KIAA1217: variants seen among roughly 807,000 people sequenced by gnomAD.
KIAA1217 encodes the protein KIAA1217, also known as sickle tail protein homolog.
A neutral mutation model predicts 163.9 loss-of-function variants in KIAA1217; 88 were observed. The ratio of observed to expected loss-of-function variants is 0.54; its 90% CI spans 0.45 to 0.64. The LOEUF (loss-of-function observed/expected upper bound fraction) is 0.64. KIAA1217 is among the 30% of genes least tolerant of loss of function. The pLI is 0.00. For missense variants in KIAA1217, 2,372 were observed against 2,475.0 expected (o/e 0.96, Z 0.88); for synonymous variants, 903 against 923.1 (o/e 0.98, Z 0.39).
intron 3 of KIAA1217, among the ~76,000 whole-genome samples, chr10:24,417,665 C>T (rs561533169): frequency 3.3e-5 from 5 of 152,004 alleles, no homozygotes; most frequent in African/African-American, 7.2e-5. Context: ...GTGAAGTCTA[C>T]GAATGAGAGT....
chr10:23,918,733 TAC>T (rs1554823731), intron 1 of KIAA1217, among the ~76,000 whole-genome samples: 6,592 of 147,344 alleles, frequency 0.045, 190 homozygotes, highest in Admixed American at 0.088. Context: ...ATTAAATATA[TAC>T]ACACACACAC....
At chr10:24,231,387 G>GA (rs373497425) in intron 2 of KIAA1217, among the ~76,000 whole-genome samples, 2 of 152,188 alleles carry the variant, frequency 1.3e-5, no homozygotes, top group South Asian at 2.1e-4. Flanking sequence ...TGAAAACTGA[G>GA]AAAAAACCAT....
chr10:24,036,045 C>A (rs183347153), intron 2 of KIAA1217, among the ~76,000 whole-genome samples: 1 of 152,204 alleles, frequency 6.6e-6, no homozygotes, highest in Non-Finnish European at 1.5e-5. Context: ...TGAAGGCCAG[C>A]GGAGCACAGG....
At chr10:24,474,382 C>T (rs994426763) in intron 6 of KIAA1217, among the ~76,000 whole-genome samples, 1 of 152,170 alleles carries the variant, frequency 6.6e-6, no homozygotes, top group African/African-American at 2.4e-5. Flanking sequence ...AGAAAATTGT[C>T]ATTAGCAGAA....
chr10:23,993,393 T>C (rs1170560856), intron 1 of KIAA1217, among the ~76,000 whole-genome samples: 2 of 151,966 alleles, frequency 1.3e-5, no homozygotes, highest in African/African-American at 2.4e-5. Flanking sequence ...TTGAGGACTT[T>C]CATGGTCTTC....
intron 1 of KIAA1217, among the ~76,000 whole-genome samples, chr10:23,922,464 T>C (rs1436218019): frequency 2.6e-5 from 4 of 152,208 alleles, no homozygotes; most frequent in Non-Finnish European, 5.9e-5. Flanking sequence ...AAGTCAGACC[T>C]AAGTCTGGGT....
At chr10:24,350,623 T>C (rs940230335) in intron 2 of KIAA1217, among the ~76,000 whole-genome samples, 2 of 152,214 alleles carry the variant, frequency 1.3e-5, no homozygotes, top group Non-Finnish European at 2.9e-5. Flanking sequence ...ACTTCTTTTA[T>C]TTAATTTTTA....
rs548527626 is a variant in KIAA1217, at chr10:23,782,155, A to G, written c.-321+86921A>G. Among the ~76,000 whole-genome samples the G allele has an allele frequency of 4.0e-3, 603 of 152,298 alleles. 10 individuals are homozygous for G. The highest frequency in any genetic ancestry group is 0.013 in the African/African-American group (556 of 41,574). On this transcript the variant is annotated intron_variant, in intron 1 of 18. Coordinates refer to the KIAA1217 transcript ENST00000376462. ...ATTGTGTCTGTATATTGCTAAGGGT[A>G]GTATATACATTGTAATAATATTCTT...
chr10:24,268,066 A>T (rs1019275407), intron 2 of KIAA1217, among the ~76,000 whole-genome samples: 2 of 152,150 alleles, frequency 1.3e-5, no homozygotes, highest in Non-Finnish European at 2.9e-5. Flanking sequence ...CTGTACACTA[A>T]CAGTAAGCTA....
At chr10:24,533,811 T>G (rs879260336) in intron 16 of KIAA1217, among the ~76,000 whole-genome samples, 2 of 152,202 alleles carry the variant, frequency 1.3e-5, no homozygotes, top group African/African-American at 2.4e-5. Context: ...CAGTTTTAGA[T>G]ATTTATTTTT....
At chr10:23,906,868 C>T (rs542765709) in intron 1 of KIAA1217, among the ~76,000 whole-genome samples, 4 of 152,240 alleles carry the variant, frequency 2.6e-5, no homozygotes, top group African/African-American at 9.6e-5. Flanking sequence ...GCCACCATGA[C>T]TGGGTTCCCT....
At chr10:23,768,119 C>G (rs183109125) in intron 1 of KIAA1217, among the ~76,000 whole-genome samples, 1 of 152,316 alleles carries the variant, frequency 6.6e-6, no homozygotes, top group Admixed American at 6.5e-5. Flanking sequence ...GTAATCCCAC[C>G]CATTCTTAAA....
At chr10:24,186,883 C>A (rs2066458759) in intron 2 of KIAA1217, among the ~76,000 whole-genome samples, 1 of 152,066 alleles carries the variant, frequency 6.6e-6, no homozygotes, top group African/African-American at 2.4e-5. Flanking sequence ...GAGTGAGACT[C>A]CGTCTAAAAA....
At chr10:23,912,060 CT>C (rs1481464461) in intron 1 of KIAA1217, among the ~76,000 whole-genome samples, 2 of 152,090 alleles carry the variant, frequency 1.3e-5, no homozygotes, top group African/African-American at 4.8e-5. Flanking sequence ...TTAGTGGTTC[CT>C]GGATGCTGTT....
At chr10:23,807,394 A>G (rs1836790663) in intron 1 of KIAA1217, among the ~76,000 whole-genome samples, 1 of 152,236 alleles carries the variant, frequency 6.6e-6, no homozygotes, top group South Asian at 2.1e-4. Flanking sequence ...GTTTCTTGAA[A>G]CAAAGATGTG....
At chr10:24,437,915 A>G (rs901868126) in intron 4 of KIAA1217, among the ~76,000 whole-genome samples, 1 of 149,366 alleles carries the variant, frequency 6.7e-6, no homozygotes, top group Non-Finnish European at 1.5e-5. Context: ...GCAAAAAAAA[A>G]AAAAAAAAAA....
At chr10:24,397,013 T>C (rs1280298022) in intron 3 of KIAA1217, among the ~76,000 whole-genome samples, 6 of 152,032 alleles carry the variant, frequency 3.9e-5, no homozygotes, top group Non-Finnish European at 8.8e-5. Context: ...GGGAAAAGAA[T>C]CTGGGTTCTG....
chr10:24,323,674 G>A (rs140504966), intron 2 of KIAA1217, among the ~76,000 whole-genome samples: 1 of 152,210 alleles, frequency 6.6e-6, no homozygotes, highest in African/African-American at 2.4e-5. Flanking sequence ...AACCAGCTGG[G>A]TAGGAAGGAA....
intron 1 of KIAA1217, among the ~76,000 whole-genome samples, chr10:23,840,377 A>G (rs138613382): frequency 0.026 from 3,973 of 151,952 alleles, 66 homozygotes; most frequent in Middle Eastern, 0.055. Flanking sequence ...GCTGTCTCGA[A>G]CTCCTGACCT....
Sources: allele counts gnomAD v4.1 joint callset (sites outside exome capture counted in the v4.1 genomes callset), GRCh38; gene constraint gnomAD v4.1.1; transcripts MANE v1.5; gene names NCBI Gene and HGNC (gene_info 2026-07-23, HGNC 2026-07-21).